ZNF407: variants seen among roughly 807,000 people sequenced by gnomAD.
ZNF407 encodes the protein zinc finger protein 407.
Under a neutral mutation model 131.2 loss-of-function variants are expected in ZNF407, and 17 were observed. The ratio of observed to expected loss-of-function variants is 0.13; its 90% CI spans 0.09 to 0.19. The LOEUF is 0.19. ZNF407 is among the 10% of genes least tolerant of loss of function. The probability of loss-of-function intolerance (pLI) is 1.00; values close to 1 mark genes in which losing one functional copy is unlikely to be tolerated. For synonymous variants in ZNF407, 1,156 were observed against 1,062.0 expected (o/e 1.09, Z -1.72); for missense variants, 2,681 against 2,830.6 (o/e 0.95, Z 1.20).
At chr18:74,938,333 A>G (rs1235294621) in intron 8 of ZNF407, among the ~76,000 whole-genome samples, 1 of 152,182 alleles carries the variant, frequency 6.6e-6, no homozygotes. Flanking sequence ...TGAAAAATCT[A>G]CAATGTAGAC....
chr18:74,878,574 T>C (rs922881214), intron 5 of ZNF407, among the ~76,000 whole-genome samples: 2 of 152,136 alleles, frequency 1.3e-5, no homozygotes, highest in Non-Finnish European at 2.9e-5. Flanking sequence ...ATCAATAATA[T>C]AGATTTTTGT....
intron 8 of ZNF407, among the ~76,000 whole-genome samples, chr18:74,935,815 G>A (rs1225320893): frequency 2.6e-5 from 4 of 152,104 alleles, no homozygotes; most frequent in African/African-American, 9.7e-5. Context: ...AGTAAAAGCT[G>A]AAAAAGGAAG....
In ZNF407 at chr18:74,855,116, G is replaced by T. The variant is rs560204882; in HGVS notation, c.4878-22081G>T. 7.9e-5 allele frequency among the ~76,000 whole-genome samples: 12 copies of T among 152,246 alleles called. No homozygotes were observed. In the South Asian group the frequency reaches 2.3e-3, roughly 29 times the overall value. ...TAATAACTCAACCTATAAATAAGTT[G>T]TGCTTAGTTTCACTGATGCTTTAGA... On this transcript the variant is annotated intron_variant, in intron 4 of 8. Coordinates refer to ENST00000299687, the MANE Select transcript of ZNF407 (RefSeq NM_017757.3).
chr18:74,638,853 A>G (rs761695477), intron 2 of ZNF407, among the ~76,000 whole-genome samples: 14 of 152,190 alleles, frequency 9.2e-5, no homozygotes, highest in Non-Finnish European at 1.8e-4. Flanking sequence ...TTCATTTCGG[A>G]AAGTACATAG....
At chr18:74,954,600 A>G (rs888099717) in intron 8 of ZNF407, among the ~76,000 whole-genome samples, 2 of 152,240 alleles carry the variant, frequency 1.3e-5, no homozygotes, top group Non-Finnish European at 2.9e-5. Context: ...AGTATTATAT[A>G]ACATAATTTT....
chr18:74,990,410 T>C (rs1972704777), intron 8 of ZNF407, among the ~76,000 whole-genome samples: 1 of 152,224 alleles, frequency 6.6e-6, no homozygotes, highest in Non-Finnish European at 1.5e-5. Context: ...TATCTTTTTT[T>C]CCCTTAAATT....
At chr18:74,987,960 G>A (rs907101726) in intron 8 of ZNF407, among the ~76,000 whole-genome samples, 1 of 152,208 alleles carries the variant, frequency 6.6e-6, no homozygotes, top group African/African-American at 2.4e-5. Context: ...TCTAAAATGT[G>A]TGTGGGAATG....
intron 3 of ZNF407, among the ~76,000 whole-genome samples, chr18:74,702,818 A>C (rs1967531816): frequency 6.6e-6 from 1 of 152,232 alleles, no homozygotes; most frequent in South Asian, 2.1e-4. Context: ...TATTACAAGC[A>C]GTTGGCTATA....
intron 3 of ZNF407, among the ~76,000 whole-genome samples, chr18:74,766,858 G>T (rs1352529902): frequency 6.6e-6 from 1 of 151,918 alleles, no homozygotes; most frequent in Non-Finnish European, 1.5e-5. Flanking sequence ...GATGATAAGG[G>T]GACTAAAACT....
intron 4 of ZNF407, among the ~76,000 whole-genome samples, chr18:74,828,690 T>C (rs935039129): frequency 2.3e-5 from 3 of 130,688 alleles, no homozygotes; most frequent in Non-Finnish European, 5.4e-5. Flanking sequence ...AAAACCTTTT[T>C]CAGAAACCTA....
chr18:74,692,950 C>G (rs114226241), intron 3 of ZNF407, among the ~76,000 whole-genome samples: 12 of 152,270 alleles, frequency 7.9e-5, no homozygotes, highest in African/African-American at 2.6e-4. Flanking sequence ...TTTCTGCATC[C>G]CAGAGGTGGA....
chr18:74,828,033 G>GCAGC (rs770483598), intron 4 of ZNF407, among the ~76,000 whole-genome samples: 7 of 152,170 alleles, frequency 4.6e-5, no homozygotes, highest in Middle Eastern at 3.4e-3. Context: ...CGCTACTCAG[G>GCAGC]TGCTCCCTTC....
chr18:74,710,585 T>TA (rs1372469689), intron 3 of ZNF407, among the ~76,000 whole-genome samples: 1 of 152,242 alleles, frequency 6.6e-6, no homozygotes, highest in Non-Finnish European at 1.5e-5. Flanking sequence ...TCATGGGTGT[T>TA]ACAGCTGTAC....
intron 8 of ZNF407, among the ~76,000 whole-genome samples, chr18:74,928,721 G>A (rs539313442): frequency 2.0e-5 from 3 of 152,206 alleles, no homozygotes; most frequent in South Asian, 4.2e-4. Flanking sequence ...TGTTAATGCC[G>A]ACCAGTTGTG....
chr18:74,968,173 G>A (rs538368136), intron 8 of ZNF407, among the ~76,000 whole-genome samples: 15 of 152,226 alleles, frequency 9.9e-5, no homozygotes, highest in South Asian at 2.1e-4. Flanking sequence ...TATAGTTTCC[G>A]TAGTGATTGC....
intron 3 of ZNF407, among the ~76,000 whole-genome samples, chr18:74,774,527 A>G (rs572651066): frequency 2.0e-4 from 31 of 152,350 alleles, no homozygotes; most frequent in South Asian, 1.0e-3. Context: ...TCCTGATACT[A>G]TGTAATTGGA....
intron 1 of ZNF407, among the ~76,000 whole-genome samples, chr18:74,609,745 G>A (rs563730943): frequency 1.3e-5 from 2 of 152,328 alleles, no homozygotes; most frequent in Admixed American, 1.3e-4. Flanking sequence ...CTAGGCAATA[G>A]GAATGTTTCA....
chr18:74,776,267 G>A (rs574625115), intron 3 of ZNF407, among the ~76,000 whole-genome samples: 22 of 152,298 alleles, frequency 1.4e-4, no homozygotes, highest in African/African-American at 4.3e-4. Flanking sequence ...CTCCTGGCAC[G>A]TTGATCTTGG....
Position 75,065,392 on chromosome 18 carries a change from A to G in ZNF407, c.*924A>G, listed in dbSNP as rs895315416. On this transcript the variant is annotated 3_prime_UTR_variant, in exon 9 of 9. Coordinates refer to ENST00000299687, the MANE Select transcript of ZNF407 (RefSeq NM_017757.3). ...ATGAAAATGCTGACATTAAACATTAACACATGGAGACCGTGCCCTGTGGCC... is the reference window on the plus strand; with the variant it reads ...ATGAAAATGCTGACATTAAACATTAGCACATGGAGACCGTGCCCTGTGGCC... The G allele has an allele frequency of 1.3e-5, 2 of 152,220 alleles. No individual in the cohort carries two copies. Among genetic ancestry groups the G allele is most frequent in the African/African-American group, 4.8e-5 (2 of 41,460 alleles). The allele number at this position is 152,220 out of a possible 1,614,324, so 9.4% of individuals were successfully genotyped here.
Sources: gnomAD v4.1 joint callset for allele counts (sites outside exome capture counted in the v4.1 genomes callset) on GRCh38, gnomAD v4.1.1 for gene constraint, MANE v1.5 for transcripts, NCBI Gene and HGNC (gene_info 2026-07-23, HGNC 2026-07-21) for gene names.